The following TTLL11 variants were observed in gnomAD, a reference collection of about 807,000 sequenced individuals.
TTLL11 encodes the protein tubulin tyrosine ligase like 11.
In TTLL11, 42 loss-of-function variants were observed where a neutral mutation model predicts 51.7. The ratio of observed to expected loss-of-function variants is 0.81; its 90% CI spans 0.64 to 1.05. The LOEUF (loss-of-function observed/expected upper bound fraction) is 1.05, where lower values mean the gene tolerates loss of function less well. Among genes scored for constraint, TTLL11 ranks in the 50% least tolerant of loss-of-function variants. The probability of loss-of-function intolerance (pLI) is 0.00; values close to 1 mark genes in which losing one functional copy is unlikely to be tolerated. For synonymous variants in TTLL11, 381 were observed against 383.5 expected, an observed-to-expected ratio of 0.99 and a Z score of 0.08; for missense variants, 799 against 940.4, an observed-to-expected ratio of 0.85 and a Z score of 1.97.
At chr9:122,052,807 C>G (rs557713265) in intron 1 of TTLL11, among the ~76,000 whole-genome samples, 1 of 152,126 alleles carries the variant, frequency 6.6e-6, no homozygotes, top group Non-Finnish European at 1.5e-5. Flanking sequence ...CTCCTTCCCT[C>G]GAGTTCAGGA....
chr9:121,880,875 G>T (rs913623359), intron 6 of TTLL11, among the ~76,000 whole-genome samples: 16 of 152,246 alleles, frequency 1.1e-4, no homozygotes, highest in African/African-American at 3.9e-4. Context: ...GCCTAAGCGA[G>T]GAGGCTGGGA....
chr9:121,954,212 T>C (rs1003673119), intron 6 of TTLL11, among the ~76,000 whole-genome samples: 1 of 152,224 alleles, frequency 6.6e-6, no homozygotes, highest in African/African-American at 2.4e-5. Context: ...TTCATGGATA[T>C]CATGTATTCA....
At chr9:121,871,420 C>T (rs1165944170) in intron 6 of TTLL11, among the ~76,000 whole-genome samples, 1 of 152,136 alleles carries the variant, frequency 6.6e-6, no homozygotes, top group African/African-American at 2.4e-5. Context: ...CTATGTCTCC[C>T]ATCTCCTTGA....
chr9:122,093,201 C>CCG lies in TTLL11; in HGVS notation c.-55_-54dup. ...TGCCACCGCCGCCGCCGCCGCCGCT[C>CCG]CGCCGCCCCAGTCCGCCACCAAACT... On this transcript the variant is annotated 5_prime_UTR_variant, in exon 1 of 9. It removes the in-frame stop codon of an upstream open reading frame in the 5' UTR. Transcript: ENST00000321582. 1 of 1,491,010 alleles carries CCG rather than the reference C, an allele frequency of 6.7e-7. No homozygotes were observed. The highest frequency in any genetic ancestry group is 8.9e-7 in the Non-Finnish European group (1 of 1,129,706). 92.4% of individuals were successfully genotyped at this position (1,491,010 alleles called of 1,614,324 possible). A position where few individuals can be genotyped will look rare whatever the true frequency, so the allele number is the denominator to read the frequency against.
At chr9:121,895,677 GTGTC>G (rs1268030499) in intron 6 of TTLL11, among the ~76,000 whole-genome samples, 10 of 49,454 alleles carry the variant, frequency 2.0e-4, no homozygotes, top group Middle Eastern at 0.01. Flanking sequence ...GTGTTTATGT[GTGTC>G]TGTGTGAATG....
intron 6 of TTLL11, among the ~76,000 whole-genome samples, chr9:121,924,986 G>A (rs953848106): frequency 2.6e-5 from 4 of 151,958 alleles, no homozygotes; most frequent in African/African-American, 9.7e-5. Flanking sequence ...GTTTCTTTTC[G>A]ACCTGTTTTA....
chr9:121,945,350 G>A (rs1371456280), intron 6 of TTLL11, among the ~76,000 whole-genome samples: 2 of 152,218 alleles, frequency 1.3e-5, no homozygotes, highest in Admixed American at 6.5e-5. Flanking sequence ...TGAAAATAAT[G>A]AAAGCAATAA....
At chr9:121,965,458 G>C (rs981786469) in intron 6 of TTLL11, among the ~76,000 whole-genome samples, 1 of 152,152 alleles carries the variant, frequency 6.6e-6, no homozygotes, top group Admixed American at 6.5e-5. Flanking sequence ...GAATTCACTC[G>C]TTATCACGAG....
rs3793614 is a variant in TTLL11 at position 121,940,238 on chromosome 9, G to A, written c.1481+33771C>T. On this transcript the variant is annotated intron_variant, in intron 6 of 8. Coordinates refer to ENST00000321582, the MANE Select transcript of TTLL11 (RefSeq NM_001139442.2). ...TCATAAATCCTCTTTTCTAAATTAG[G>A]TGAAATTATGGGAAGCCTACAGGCT... 5.3e-3 allele frequency among the ~76,000 whole-genome samples: 800 copies of A among 152,152 alleles called. 29 individuals are homozygous for A. In the East Asian group the frequency reaches 0.076, roughly 15 times the overall value.
intron 3 of TTLL11, among the ~76,000 whole-genome samples, chr9:122,010,492 C>G (rs1212336128): frequency 6.6e-6 from 1 of 152,180 alleles, no homozygotes; most frequent in African/African-American, 2.4e-5. Context: ...TCTGCTTTCA[C>G]ACTCCAACAG....
intron 3 of TTLL11, among the ~76,000 whole-genome samples, chr9:122,011,251 CCT>C (rs1323824732): frequency 6.6e-6 from 1 of 152,102 alleles, no homozygotes; most frequent in African/African-American, 2.4e-5. Flanking sequence ...GTCCATTAAA[CCT>C]CTTTTTCTTA....
intron 6 of TTLL11, among the ~76,000 whole-genome samples, chr9:121,894,897 A>AT (rs966475531): frequency 1.1e-4 from 16 of 152,296 alleles, no homozygotes; most frequent in African/African-American, 2.4e-4. Context: ...TTAAAGTATA[A>AT]TTTTTTTAAA....
At chr9:121,927,504 C>T (rs748041416) in intron 6 of TTLL11, among the ~76,000 whole-genome samples, 1 of 152,186 alleles carries the variant, frequency 6.6e-6, no homozygotes, top group Non-Finnish European at 1.5e-5. Flanking sequence ...CAAGCACTCT[C>T]AGGTAAAGGA....
At chr9:121,823,781 C>A (rs556779523) in intron 8 of TTLL11, among the ~76,000 whole-genome samples, 1 of 152,286 alleles carries the variant, frequency 6.6e-6, no homozygotes, top group East Asian at 1.9e-4. Context: ...TTCTCTGGCC[C>A]AAACCATATT....
chr9:121,829,658 G>A (rs1298928818), intron 8 of TTLL11, among the ~76,000 whole-genome samples: 1 of 152,040 alleles, frequency 6.6e-6, no homozygotes, highest in Non-Finnish European at 1.5e-5. Context: ...CTTATTTATA[G>A]TACCACGGGG....
chr9:121,887,634 C>T (rs1324951009), intron 6 of TTLL11, among the ~76,000 whole-genome samples: 1 of 152,192 alleles, frequency 6.6e-6, no homozygotes, highest in Non-Finnish European at 1.5e-5. Context: ...CAGACTATGC[C>T]TTGGCATGGG....
chr9:122,086,716 T>C (rs916366301), intron 1 of TTLL11, among the ~76,000 whole-genome samples: 2 of 152,248 alleles, frequency 1.3e-5, no homozygotes, highest in African/African-American at 2.4e-5. Context: ...TATATTTCAG[T>C]GTGTTTTATT....
Position 122,085,801 on chromosome 9 carries a change from A to G in TTLL11, c.462+6886T>C, listed in dbSNP as rs148673284. ...TCTGTGAGATAGATAGCACTAGCCC[A>G]TTGCTACAGCTGAAGAAACTGAGTC... On this transcript the variant is annotated intron_variant, in intron 1 of 8. Coordinates refer to ENST00000321582, the MANE Select transcript of TTLL11 (RefSeq NM_001139442.2). Among the ~76,000 whole-genome samples, 6 of 152,292 alleles carry G rather than the reference A, an allele frequency of 3.9e-5. No individual in the cohort carries two copies. The East Asian group carries it at 1.2e-3, about 29-fold the overall frequency.
chr9:121,828,221 A>G (rs1225683117), intron 8 of TTLL11, among the ~76,000 whole-genome samples: 1 of 147,050 alleles, frequency 6.8e-6, no homozygotes. Flanking sequence ...TTCCCAGGCT[A>G]GAGGACAGTG....
Sources: gnomAD v4.1 joint callset for allele counts (sites outside exome capture counted in the v4.1 genomes callset) on GRCh38, gnomAD v4.1.1 for gene constraint, MANE v1.5 for transcripts, NCBI Gene and HGNC (gene_info 2026-07-23, HGNC 2026-07-21) for gene names.